Variants in TYK2 observed in about 807,000 individuals in gnomAD.
TYK2 encodes the protein non-receptor tyrosine-protein kinase TYK2.
In TYK2, 65 loss-of-function variants were observed where a neutral mutation model predicts 130.9. The ratio of observed to expected loss-of-function variants is 0.50; its 90% CI spans 0.41 to 0.61. TYK2 has a LOEUF of 0.61. Among genes scored for constraint, TYK2 ranks in the 20% least tolerant of loss-of-function variants. The pLI is 0.00. For missense variants in TYK2, 1,378 were observed against 1,610.7 expected, an observed-to-expected ratio of 0.86 and a Z score of 2.47; for synonymous variants, 647 against 658.9, an observed-to-expected ratio of 0.98 and a Z score of 0.28.
intron 22 of TYK2, 48 bp downstream of exon 22, chr19:10,352,878 G>T: frequency 6.5e-7 from 1 of 1,542,354 alleles, no homozygotes; most frequent in African/African-American, 1.4e-5. Flanking sequence ...CACCCTGCCT[G>T]TTCCAAGTGA....
chr19:10,370,771 C>A (rs1451716392), intron 3 of TYK2, among the ~76,000 whole-genome samples: 1 of 151,506 alleles, frequency 6.6e-6, no homozygotes, highest in East Asian at 2.0e-4. Flanking sequence ...GAGCCGAGAT[C>A]ACGCCACTGC....
chr19:10,370,794 G>C (rs1443612289), intron 3 of TYK2, among the ~76,000 whole-genome samples: 2 of 152,096 alleles, frequency 1.3e-5, no homozygotes, highest in African/African-American at 4.8e-5. Context: ...TCCAGCCTGG[G>C]TGAAAGAGTG....
At chr19:10,351,214 C>T (rs1441369401) in intron 23 of TYK2, 52 bp from the exon 24 acceptor site, 3 of 1,468,450 alleles carry the variant, frequency 2.0e-6, no homozygotes, top group Non-Finnish European at 9.5e-7. Context: ...AAGGCAGGCA[C>T]GGTGGCTCAT....
chr19:10,364,978 G>A lies in TYK2; in HGVS notation c.1082C>T (p.Ala361Val), dbSNP rs373246540. 11 of 1,613,738 alleles carry A rather than the reference G, an allele frequency of 6.8e-6. No homozygotes were observed. The highest frequency in any genetic ancestry group is 3.3e-5 in the Admixed American group (2 of 60,006). ...CGGCCTGTCTGCCGGCTGGCCGACT[G>A]CCTTGTGAGCCTTGGCCTTCTTCCC... ...LFGKKAKAHK[A>V]VGQPADRPRE... The change falls in exon 8 of 25, where the codon GCA becomes GTA. Residue 361 changes from alanine to valine, a missense_variant. By Grantham distance (64) the Ala-to-Val change is moderately conservative. Coordinates refer to ENST00000525621, the MANE Select transcript of TYK2 (RefSeq NM_003331.5). The surrounding 1 kb of genome is among the most constrained non-coding windows in gnomAD (Gnocchi z 4.9).
At chr19:10,369,014 G>A (rs958612955) in intron 3 of TYK2, among the ~76,000 whole-genome samples, 1 of 152,020 alleles carries the variant, frequency 6.6e-6, no homozygotes, top group Non-Finnish European at 1.5e-5. Context: ...TCGCCATGTT[G>A]GCCAGGCTGG....
At position 10,350,846 on chromosome 19, in the gene TYK2, G is replaced by A. The variant is rs755735006; in HGVS notation, c.3552C>T (p.Phe1184=). 2 of 1,613,532 alleles carry A rather than the reference G, an allele frequency of 1.2e-6. No homozygotes were observed. The highest frequency in any genetic ancestry group is 1.3e-5 in the African/African-American group (1 of 74,930). The change falls in exon 25 of 25, where the codon TTC becomes TTT. Residue 1184 remains phenylalanine, a synonymous_variant. Coordinates refer to ENST00000525621, the MANE Select transcript of TYK2 (RefSeq NM_003331.5). ...EKYQGQAPSV[F]SVC ...CTGCCATTGTGCCTCAGCACACGCT[G>A]AACACTGAAGGGGCCTGGCCTTGGT...
rs2041447366 is a variant in TYK2, at chr19:10,362,281, C to T, written c.1652G>A (p.Cys551Tyr). The T allele has an allele frequency of 6.2e-7, 1 of 1,614,020 alleles. No homozygotes were observed. ...CATCGTACCTCCTGGTTGGGGCAGG[C>T]AACAGCGACGCAGAGAGAAGCAGTC... ...GDDCFSLRRC[C>Y]LPQPGETSNL... The change falls in exon 11 of 25, where the codon TGC becomes TAC. Residue 551 changes from cysteine to tyrosine, a missense_variant. Physicochemically the swap from Cys to Tyr is radical, Grantham distance 194 (BLOSUM62 -2). Transcript: ENST00000525621.
intron 19 of TYK2, 32 bp downstream of exon 19, chr19:10,354,480 G>T: frequency 1.3e-6 from 2 of 1,593,344 alleles, no homozygotes; most frequent in Non-Finnish European, 1.7e-6. Context: ...CCGACCAGGC[G>T]GGCCTTTTAG....
At position 10,353,902 on chromosome 19, in the gene TYK2, C is replaced by T. The variant is rs1044597782; in HGVS notation, c.2908+140G>A. The T allele has an allele frequency of 2.4e-5, 23 of 968,448 alleles. No individual in the cohort carries two copies. The highest frequency in any genetic ancestry group is 3.6e-5 in the Non-Finnish European group (23 of 635,734). The allele number at this position is 968,448 out of a possible 1,614,324, so 60.0% of individuals were successfully genotyped here. On this transcript the variant is annotated intron_variant, in intron 20 of 24. Transcript: ENST00000525621. This position sits in a 1 kb window ranked among gnomAD's most constrained non-coding sequence, Gnocchi z 6.9. The stretch of plus-strand genomic sequence containing the variant: ...AAGGAGGCAGCCCAGCCACGCTCAC[C>T]CAGATGCCAAGAACCGCGTACTGCA...
Position 10,364,503 on chromosome 19 carries a change from A to T in TYK2, c.1367+111T>A, listed in dbSNP as rs80231890. 48 of 962,372 alleles carry T rather than the reference A, an allele frequency of 5.0e-5. No individual in the cohort carries two copies. The highest frequency in any genetic ancestry group is 6.5e-5 in the Non-Finnish European group (43 of 661,760). The allele number at this position is 962,372 out of a possible 1,614,324, so 59.6% of individuals were successfully genotyped here. ...CACTCCAGTTTGGGCGACAAAAAAT[A>T]AAAAAAAAATAAGACGTGCACCTAC... On this transcript the variant is annotated intron_variant, in intron 9 of 24. Transcript: ENST00000525621. This position sits in a 1 kb window ranked among gnomAD's most constrained non-coding sequence, Gnocchi z 4.9.
At position 10,368,335 on chromosome 19, in the gene TYK2, T is replaced by A. The variant is rs1434718123; in HGVS notation, c.277A>T (p.Ile93Phe). The A allele has an allele frequency of 1.9e-6, 3 of 1,613,894 alleles. No individual in the cohort carries two copies. The African/African-American group carries it at 4.0e-5, about 22-fold the overall frequency. Reference sequence around the variant, plus strand: ...AGCATCAGGCTTGCATCTCTGGGGATCTCTAGGATGTGGTTTGGGGGCAAC... The same window carrying A: ...AGCATCAGGCTTGCATCTCTGGGGAACTCTAGGATGTGGTTTGGGGGCAAC... ...VWLPPNHILE[I>F]PRDASLMLYF... Residue 93 changes from isoleucine (I) to phenylalanine (F), a missense_variant, in exon 4 of 25, where the codon ATC becomes TTC. Ile to Phe is a conservative substitution (Grantham distance 21). Transcript: ENST00000525621.
intron 14 of TYK2, 105 bp from the exon 15 acceptor site, chr19:10,359,407 G>C (rs1295482480): frequency 1.4e-6 from 2 of 1,398,008 alleles, no homozygotes; most frequent in East Asian, 4.7e-5. Flanking sequence ...GGCTGGGGAG[G>C]TGTCAGGGCA....
In TYK2 at chr19:10,364,901, C is replaced by T. The variant is rs567828853; in HGVS notation, c.1159G>A (p.Val387Met). 2 of 1,614,220 alleles carry T rather than the reference C, an allele frequency of 1.2e-6. No individual in the cohort carries two copies. The highest frequency in any genetic ancestry group is 1.1e-5 in the South Asian group (1 of 91,088). ...FCDFRDITHV[V>M]LKEHCVSIHR... ...ATGCTGACACAGTGCTCTTTCAGCA[C>T]CACGTGGGTGATGTCCCGGAAGTCA... The change falls in exon 8 of 25, where the codon GTG becomes ATG. Residue 387 changes from valine (V) to methionine (M), a missense_variant. By Grantham distance (21) the Val-to-Met change is conservative. Coordinates refer to ENST00000525621, the MANE Select transcript of TYK2 (RefSeq NM_003331.5). This position sits in a 1 kb window ranked among gnomAD's most constrained non-coding sequence, Gnocchi z 4.9.
rs138670641 is a variant in TYK2, at chr19:10,378,484, C to T, written c.-20-58G>A. On this transcript the variant is annotated intron_variant, in intron 2 of 24. Transcript: ENST00000525621. ...CTCAGCCCAGAGACCCCTGTTAGCT[C>T]TTCAACCTTCCACCCACCCCAGCTA... 4.8e-5 allele frequency: 68 copies of T among 1,422,978 alleles called. No homozygotes were observed. In the African/African-American group the frequency reaches 8.7e-4, roughly 18 times the overall value. 88.1% of individuals were successfully genotyped at this position (1,422,978 alleles called of 1,614,324 possible). A position where few individuals can be genotyped will look rare whatever the true frequency, so the allele number is the denominator to read the frequency against.
At chr19:10,360,595 TAGG>T (rs978812371) in intron 14 of TYK2, among the ~76,000 whole-genome samples, 11 of 149,906 alleles carry the variant, frequency 7.3e-5, no homozygotes, top group Non-Finnish European at 1.3e-4. Context: ...GGTTGGGGTG[TAGG>T]AGATGTTTGG....
chr19:10,361,308 G>A lies in TYK2; in HGVS notation c.2047+203C>T. 7.8e-6 allele frequency: 5 copies of A among 640,168 alleles called. No individual in the cohort carries two copies. The highest frequency in any genetic ancestry group is 1.4e-5 in the Non-Finnish European group (5 of 352,760). The allele number at this position is 640,168 out of a possible 1,614,324, so 39.7% of individuals were successfully genotyped here. A position where few individuals can be genotyped will look rare whatever the true frequency, so the allele number is the denominator to read the frequency against. On this transcript the variant is annotated intron_variant, in intron 14 of 24. Coordinates refer to ENST00000525621, the MANE Select transcript of TYK2 (RefSeq NM_003331.5). The surrounding 1 kb of genome is among the most constrained non-coding windows in gnomAD (Gnocchi z 4.0). ...GGGCAGGTGAGGGTCGACGTGTTGG[G>A]ATGTAAGTTATGGGCTGGAATATCG...
At chr19:10,358,288 T>C (rs2041210538) in intron 15 of TYK2, 150 bp from the exon 16 acceptor site, 2 of 741,420 alleles carry the variant, frequency 2.7e-6, no homozygotes, top group East Asian at 5.6e-5. Context: ...GGGTTATTTT[T>C]TTCTTGTTTT....
chr19:10,368,264 G>T (rs1171003410), intron 4 of TYK2, 31 bp downstream of exon 4: 1 of 1,614,066 alleles, frequency 6.2e-7, no homozygotes, highest in East Asian at 2.2e-5. Flanking sequence ...CAGCACAGGA[G>T]GGGACGAGCT....
At chr19:10,369,092 A>C (rs2145283085) in intron 3 of TYK2, among the ~76,000 whole-genome samples, 1 of 152,286 alleles carries the variant, frequency 6.6e-6, no homozygotes, top group East Asian at 1.9e-4. Flanking sequence ...TACAGGCATG[A>C]GCCACTGTGC....
Sources: gnomAD v4.1 joint callset for allele counts (sites outside exome capture counted in the v4.1 genomes callset) on GRCh38, gnomAD v4.1.1 for gene constraint, Gnocchi (gnomAD v3.1) non-coding constraint, MANE v1.5 for transcripts, NCBI Gene and HGNC (gene_info 2026-07-23, HGNC 2026-07-21) for gene names.